Variants in SDSL observed in about 807,000 individuals in gnomAD.
The protein encoded by SDSL is serine dehydratase-like.
In SDSL, 26 loss-of-function variants were observed where a neutral mutation model predicts 27.6. The ratio of observed to expected loss-of-function variants is 0.94; its 90% confidence interval spans 0.69 to 1.31. SDSL has a LOEUF of 1.31. Ranked by LOEUF, SDSL falls within the 50% of genes most tolerant of loss-of-function variation. The probability of loss-of-function intolerance (pLI) is 0.00; values close to 1 mark genes in which losing one functional copy is unlikely to be tolerated. For synonymous variants in SDSL, 196 were observed against 180.6 expected, an observed-to-expected ratio of 1.09 and a Z score of -0.69; for missense variants, 431 against 423.5, an observed-to-expected ratio of 1.02 and a Z score of -0.16.
rs1957876212 is a variant in SDSL, at chr12:113,428,314, G to A, written c.175-106G>A. Reference sequence around the variant, plus strand: ...GGCAGGGCTGTGGGCAGGATGAGGGGTAAAGGCGTATTGGGAGTGGGATGG... The same window carrying A: ...GGCAGGGCTGTGGGCAGGATGAGGGATAAAGGCGTATTGGGAGTGGGATGG... On this transcript the variant is annotated intron_variant, in intron 2 of 7. Coordinates refer to ENST00000403593, the MANE Select transcript of SDSL (RefSeq NM_001304993.2). 19 of 1,323,072 alleles carry A rather than the reference G, an allele frequency of 1.4e-5. No homozygotes were observed. The South Asian group carries it at 2.5e-4, about 17-fold the overall frequency. The allele number at this position is 1,323,072 out of a possible 1,614,324, so 82.0% of individuals were successfully genotyped here. A position where few individuals can be genotyped will look rare whatever the true frequency, so the allele number is the denominator to read the frequency against.
chr12:113,437,077 A>C, intron 7 of SDSL: 1 of 392,496 alleles, frequency 2.5e-6, no homozygotes, highest in Non-Finnish European at 4.4e-6. Context: ...TAGCCCCCAG[A>C]CTTTCATACA....
chr12:113,428,204 A>G (rs1234658824), intron 2 of SDSL, 48 bp downstream of exon 2: 2 of 1,513,648 alleles, frequency 1.3e-6, no homozygotes, highest in Non-Finnish European at 1.8e-6. Context: ...TGCAGGAGGG[A>G]GGGAAGAGTG....
Position 113,428,471 on chromosome 12 carries a change from T to A in SDSL, c.214+12T>A, listed in dbSNP as rs1957878293. 2 of 1,605,950 alleles carry A rather than the reference T, an allele frequency of 1.2e-6. No homozygotes were observed. Among genetic ancestry groups the A allele is most frequent in the Non-Finnish European group, 1.7e-6 (2 of 1,176,188 alleles). On this transcript the variant is annotated intron_variant, in intron 3 of 7. Coordinates refer to ENST00000403593, the MANE Select transcript of SDSL (RefSeq NM_001304993.2). ...GGTGTGCTCCTCAGGTGACCCCACC[T>A]TTTTTTGTTTCATGGGCAGAGGTTG...
Position 113,435,070 on chromosome 12 carries a change from G to A in SDSL, c.444-259G>A, listed in dbSNP as rs201942277. On this transcript the variant is annotated intron_variant, in intron 5 of 7. Coordinates refer to ENST00000403593, the MANE Select transcript of SDSL (RefSeq NM_001304993.2). ...GTGGAGGTTGTAGTGAACTGAGATC[G>A]TGCCACTGCACTCCAGCCTGGGTGA... is the stretch of plus-strand genomic sequence containing the variant. 1.8e-4 allele frequency among the ~76,000 whole-genome samples: 27 copies of A among 152,306 alleles called. No homozygotes were observed. The East Asian group carries it at 4.0e-3, about 23-fold the overall frequency.
rs1483880517 is a variant in SDSL at position 113,435,429 on chromosome 12, G to A, written c.544G>A (p.Val182Met). 2.5e-6 allele frequency: 4 copies of A among 1,613,730 alleles called. No homozygotes were observed. The highest frequency in any genetic ancestry group is 1.1e-5 in the South Asian group (1 of 91,040). ...TGGGGGTGGGGGTCTCCTGGCCGGGGTGGTGGCTGGCCTGCTGGAGGTGGG... is the reference window on the plus strand; with the variant it reads ...TGGGGGTGGGGGTCTCCTGGCCGGGATGGTGGCTGGCCTGCTGGAGGTGGG... ...AVGGGGLLAG[V>M]VAGLLEVGWQ... The change falls in exon 6 of 8, where the codon GTG becomes ATG. Residue 182 changes from valine (V) to methionine (M), a missense_variant. Physicochemically the swap from Val to Met is conservative, Grantham distance 21. Coordinates refer to ENST00000403593, the MANE Select transcript of SDSL (RefSeq NM_001304993.2).
At chr12:113,431,654 A>G (rs1593312574) in intron 4 of SDSL, among the ~76,000 whole-genome samples, 1 of 150,910 alleles carries the variant, frequency 6.6e-6, no homozygotes, top group East Asian at 1.9e-4. Context: ...GCTCACTGCA[A>G]CCTCCGCCTC....
chr12:113,429,059 T>C, intron 3 of SDSL, 101 bp from the exon 4 acceptor site: 1 of 1,394,094 alleles, frequency 7.2e-7, no homozygotes. Context: ...GGCATATGAA[T>C]GTTGGGGACG....
In SDSL at chr12:113,428,320, G is replaced by T. The variant is rs1957876237; in HGVS notation, c.175-100G>T. The T allele has an allele frequency of 5.2e-6, 7 of 1,341,560 alleles. No homozygotes were observed. In the East Asian group the frequency reaches 9.7e-5, roughly 19 times the overall value. 83.1% of individuals were successfully genotyped at this position (1,341,560 alleles called of 1,614,324 possible). Reference sequence around the variant, plus strand: ...GCTGTGGGCAGGATGAGGGGTAAAGGCGTATTGGGAGTGGGATGGGGAGAC... The same window carrying T: ...GCTGTGGGCAGGATGAGGGGTAAAGTCGTATTGGGAGTGGGATGGGGAGAC... On this transcript the variant is annotated intron_variant, in intron 2 of 7. Transcript: ENST00000403593.
At chr12:113,428,524 G>A (rs1330777579) in intron 3 of SDSL, 65 bp downstream of exon 3, 5 of 1,471,352 alleles carry the variant, frequency 3.4e-6, no homozygotes, top group East Asian at 2.3e-5. Flanking sequence ...TGGAGCGGCA[G>A]TACACATCCA....
In SDSL at chr12:113,436,642, C is replaced by A. The variant is rs1036121027; in HGVS notation, c.672-109C>A. 5 of 1,196,076 alleles carry A rather than the reference C, an allele frequency of 4.2e-6. No individual in the cohort carries two copies. The African/African-American group carries it at 6.3e-5, about 15-fold the overall frequency. 74.1% of individuals were successfully genotyped at this position (1,196,076 alleles called of 1,614,324 possible). On this transcript the variant is annotated intron_variant, in intron 6 of 7. Coordinates refer to ENST00000403593, the MANE Select transcript of SDSL (RefSeq NM_001304993.2). The stretch of plus-strand genomic sequence containing the variant: ...TGTGACTTATAATGCTGAGCTCCAA[C>A]CAGCCCATGGCAGGATGGGAGGGGG...
intron 4 of SDSL, 107 bp downstream of exon 4, chr12:113,429,406 G>C: frequency 1.6e-6 from 2 of 1,259,428 alleles, no homozygotes; most frequent in South Asian, 2.9e-5. Flanking sequence ...GCTGTGGCTG[G>C]GACCCAGTCC....
Position 113,428,092 on chromosome 12 carries a change from A to G in SDSL, c.110A>G (p.Lys37Arg). The G allele has an allele frequency of 6.2e-7, 1 of 1,613,938 alleles. No individual in the cohort carries two copies. The highest frequency in any genetic ancestry group is 1.1e-5 in the South Asian group (1 of 90,996). ...GTGGCGGGCATGCCTGTCTTCCTCA[A>G]GTGTGAGAATGTGCAGCCCAGCGGC... ...SQVAGMPVFL[K>R]CENVQPSGSF... The change falls in exon 2 of 8, where the codon AAG becomes AGG. Residue 37 changes from lysine (K) to arginine (R), a missense_variant. Coordinates refer to ENST00000403593, the MANE Select transcript of SDSL (RefSeq NM_001304993.2).
chr12:113,432,265 T>TTTCTTTCTTTCTTTTTTTC (rs1555210070), intron 4 of SDSL, among the ~76,000 whole-genome samples: 158 of 137,376 alleles, frequency 1.2e-3, no homozygotes, highest in African/African-American at 4.3e-3. Flanking sequence ...TCTTTCTTTC[T>TTTCTTTCTTTCTTTTTTTC]TTCTTTCTTT....
chr12:113,437,605 G>A (rs775508398), intron 7 of SDSL, among the ~76,000 whole-genome samples: 7 of 152,134 alleles, frequency 4.6e-5, no homozygotes, highest in Admixed American at 1.3e-4. Context: ...GGATGGATAT[G>A]TTGATGGATG....
intron 4 of SDSL, among the ~76,000 whole-genome samples, chr12:113,432,354 CT>C (rs976306981): frequency 1.3e-5 from 2 of 148,344 alleles, no homozygotes; most frequent in African/African-American, 5.0e-5. Flanking sequence ...CTCTTTCTTT[CT>C]TTTTTTTGAG....
At chr12:113,429,425 G>A (rs1957892558) in intron 4 of SDSL, 126 bp downstream of exon 4, 1 of 1,071,602 alleles carries the variant, frequency 9.3e-7, no homozygotes, top group Non-Finnish European at 1.3e-6. Context: ...CCTCTCTCAG[G>A]ATAGCTGAGC....
chr12:113,424,324 A>C (rs1957824364), intron 1 of SDSL, among the ~76,000 whole-genome samples: 1 of 152,034 alleles, frequency 6.6e-6, no homozygotes, highest in African/African-American at 2.4e-5. Context: ...GCCCTGTCTC[A>C]GTTCTTAGTT....
chr12:113,433,501 T>C (rs922248947), intron 4 of SDSL, among the ~76,000 whole-genome samples: 1 of 152,156 alleles, frequency 6.6e-6, no homozygotes, highest in Admixed American at 6.5e-5. Context: ...TGGGAGGTGA[T>C]TGCAGGAAGC....
chr12:113,432,656 C>A (rs1039244642), intron 4 of SDSL, among the ~76,000 whole-genome samples: 10 of 151,904 alleles, frequency 6.6e-5, no homozygotes, highest in African/African-American at 2.4e-4. Flanking sequence ...TATTTTTCAA[C>A]CTCTGCCACT....
Sources: gnomAD v4.1 joint callset for allele counts (sites outside exome capture counted in the v4.1 genomes callset) on GRCh38, gnomAD v4.1.1 for gene constraint, MANE v1.5 for transcripts, NCBI Gene and HGNC (gene_info 2026-07-23, HGNC 2026-07-21) for gene names.